The following CNOT2 variants were observed in gnomAD, a reference collection of about 807,000 sequenced individuals.
The protein encoded by CNOT2 is CC chemokine receptor 4-negative regulator of transcription 2.
A neutral mutation model predicts 72.1 loss-of-function variants in CNOT2; 7 were observed. That is an observed-to-expected ratio of 0.10 (90% CI 0.06 to 0.18). The LOEUF (loss-of-function observed/expected upper bound fraction) is 0.18. Among genes scored for constraint, CNOT2 ranks in the 10% least tolerant of loss-of-function variants. The pLI is 1.00. For missense variants in CNOT2, 345 were observed against 660.3 expected, an observed-to-expected ratio of 0.52 and a Z score of 5.23; for synonymous variants, 196 against 225.6, an observed-to-expected ratio of 0.87 and a Z score of 1.17.
intron 2 of CNOT2, among the ~76,000 whole-genome samples, chr12:70,302,045 T>C (rs1033145097): frequency 9.9e-5 from 15 of 152,224 alleles, no homozygotes; most frequent in Admixed American, 2.0e-4. Flanking sequence ...GGTATGTATT[T>C]CTGTGGGATC....
At chr12:70,260,536 T>G (rs944368525) in intron 1 of CNOT2, among the ~76,000 whole-genome samples, 1 of 152,132 alleles carries the variant, frequency 6.6e-6, no homozygotes, top group African/African-American at 2.4e-5. Flanking sequence ...ACATTACTAT[T>G]AATAAAATCT....
At chr12:70,290,245 T>A (rs570541768) in intron 2 of CNOT2, among the ~76,000 whole-genome samples, 1 of 152,184 alleles carries the variant, frequency 6.6e-6, no homozygotes, top group African/African-American at 2.4e-5. Context: ...TTGTTTTTTT[T>A]AGCTTCTGGT....
At chr12:70,278,365 T>C (rs1869217485) in intron 2 of CNOT2, 91 bp downstream of exon 2, 1 of 915,318 alleles carries the variant, frequency 1.1e-6, no homozygotes, top group South Asian at 1.5e-5. Context: ...AACCAGCAAA[T>C]TGGTTACACC....
intron 1 of CNOT2, among the ~76,000 whole-genome samples, chr12:70,253,276 G>T (rs1958240037): frequency 6.6e-6 from 1 of 151,972 alleles, no homozygotes; most frequent in Admixed American, 6.6e-5. Context: ...TTTCTTCTGT[G>T]CCTGTTTTCT....
At chr12:70,348,937 A>G (rs1882541619) in intron 15 of CNOT2, among the ~76,000 whole-genome samples, 1 of 151,934 alleles carries the variant, frequency 6.6e-6, no homozygotes, top group South Asian at 2.1e-4. Context: ...AAATTTTTTA[A>G]CTGTGATGTG....
chr12:70,280,284 C>T (rs909555410), intron 2 of CNOT2, among the ~76,000 whole-genome samples: 1 of 152,022 alleles, frequency 6.6e-6, no homozygotes, highest in African/African-American at 2.4e-5. Context: ...ATGCATTTAG[C>T]ATCACTAAGT....
chr12:70,272,645 A>G (rs1057327659), intron 1 of CNOT2, among the ~76,000 whole-genome samples: 8 of 152,044 alleles, frequency 5.3e-5, no homozygotes, highest in Non-Finnish European at 1.0e-4. Flanking sequence ...GCTTCTACCT[A>G]TACTGTTCCT....
chr12:70,345,968 A>C, intron 14 of CNOT2: 1 of 446,784 alleles, frequency 2.2e-6, no homozygotes. Context: ...GTGTGTATTA[A>C]TTAGTGTGCC....
At chr12:70,340,108 G>A (rs939703747) in intron 11 of CNOT2, among the ~76,000 whole-genome samples, 6 of 151,944 alleles carry the variant, frequency 3.9e-5, no homozygotes, top group Non-Finnish European at 5.9e-5. Flanking sequence ...CCATTTCTCC[G>A]ACTTGGTCTT....
At chr12:70,280,342 A>G (rs1213374236) in intron 2 of CNOT2, among the ~76,000 whole-genome samples, 1 of 152,178 alleles carries the variant, frequency 6.6e-6, no homozygotes, top group East Asian at 1.9e-4. Context: ...CTAATGTTCC[A>G]TAGCAGAGTA....
chr12:70,344,012 A>G (rs372324119), intron 13 of CNOT2, 116 bp from the exon 14 acceptor site: 4 of 596,746 alleles, frequency 6.7e-6, no homozygotes, highest in East Asian at 2.9e-5. Flanking sequence ...ACAGTTATCT[A>G]CTACAAAGTG....
chr12:70,313,970 G>A (rs2135965602), intron 3 of CNOT2, among the ~76,000 whole-genome samples: 1 of 152,208 alleles, frequency 6.6e-6, no homozygotes, highest in South Asian at 2.1e-4. Context: ...AATTGCCATA[G>A]CTTTGTAGAC....
chr12:70,343,701 C>T (rs1376248812), intron 13 of CNOT2, among the ~76,000 whole-genome samples: 2 of 152,162 alleles, frequency 1.3e-5, no homozygotes, highest in Non-Finnish European at 2.9e-5. Context: ...TCATTGTCCA[C>T]ATTTGACAAG....
chr12:70,288,774 A>G (rs1277582560), intron 2 of CNOT2, among the ~76,000 whole-genome samples: 1 of 152,154 alleles, frequency 6.6e-6, no homozygotes, highest in Non-Finnish European at 1.5e-5. Context: ...GTACTACCAA[A>G]CAACATCTAT....
At chr12:70,352,784 C>T (rs963915515) in intron 15 of CNOT2, among the ~76,000 whole-genome samples, 2 of 152,088 alleles carry the variant, frequency 1.3e-5, no homozygotes, top group Non-Finnish European at 2.9e-5. Flanking sequence ...AGCTATTCTG[C>T]ATCTCTATTC....
chr12:70,300,512 C>G (rs1873733540), intron 2 of CNOT2, among the ~76,000 whole-genome samples: 1 of 152,144 alleles, frequency 6.6e-6, no homozygotes, highest in Admixed American at 6.5e-5. Context: ...TCAGGTTTGT[C>G]AAAGATCAGA....
chr12:70,294,173 G>T, intron 2 of CNOT2: 4 of 1,289,352 alleles, frequency 3.1e-6, no homozygotes, highest in Non-Finnish European at 4.0e-6. Flanking sequence ...TAATATCTCA[G>T]GGGAGCTCCT....
At chr12:70,258,532 AT>A (rs778982143) in intron 1 of CNOT2, among the ~76,000 whole-genome samples, 140 of 152,334 alleles carry the variant, frequency 9.2e-4, no homozygotes, top group Admixed American at 8.5e-4. Flanking sequence ...TGTATTAGAT[AT>A]TTTATGTTAC....
intron 2 of CNOT2, among the ~76,000 whole-genome samples, chr12:70,295,653 T>G (rs1160453400): frequency 6.6e-6 from 1 of 152,214 alleles, no homozygotes; most frequent in Admixed American, 6.5e-5. Context: ...AAAGTACTAC[T>G]TTAATTTTAG....
Sources: allele counts gnomAD v4.1 joint callset (sites outside exome capture counted in the v4.1 genomes callset), GRCh38; gene constraint gnomAD v4.1.1; transcripts MANE v1.5; gene names NCBI Gene and HGNC (gene_info 2026-07-23, HGNC 2026-07-21).